CSMD1: variants seen among roughly 807,000 people sequenced by gnomAD.
The protein encoded by CSMD1 is CUB and sushi domain-containing protein 1.
In CSMD1, 213 loss-of-function variants were observed where a neutral mutation model predicts 417.5. The observed-to-expected ratio is 0.51, with a 90% CI of 0.46 to 0.57. CSMD1 has a LOEUF of 0.57. CSMD1 is among the 20% of genes least tolerant of loss of function. CSMD1 has a pLI of 0.00. For synonymous variants in CSMD1, 2,862 were observed against 1,736.8 expected (o/e 1.65, Z -16.11); for missense variants, 6,923 against 4,529.7 (o/e 1.53, Z -15.17).
At chr8:4,287,939 A>G (rs1631982) in intron 3 of CSMD1, among the ~76,000 whole-genome samples, 6,831 of 152,068 alleles carry the variant, frequency 0.045, 248 homozygotes, top group South Asian at 0.16. Flanking sequence ...TAGTTGCAAA[A>G]CTTTTCTCCA....
chr8:4,896,370 G>T (rs1804481950), intron 1 of CSMD1, among the ~76,000 whole-genome samples: 1 of 151,970 alleles, frequency 6.6e-6, no homozygotes. Flanking sequence ...AGGGAGCATT[G>T]CTTTTGCATT....
intron 5 of CSMD1, among the ~76,000 whole-genome samples, chr8:3,791,467 T>C (rs1225209098): frequency 6.6e-6 from 1 of 152,232 alleles, no homozygotes; most frequent in African/African-American, 2.4e-5. Context: ...TAGCTTGTAA[T>C]ACGTTCTTTA....
intron 1 of CSMD1, among the ~76,000 whole-genome samples, chr8:4,919,228 A>T (rs1333814683): frequency 6.6e-6 from 1 of 152,232 alleles, no homozygotes; most frequent in African/African-American, 2.4e-5. Context: ...ATTTAGTCAT[A>T]GCTACAATTC....
intron 1 of CSMD1, among the ~76,000 whole-genome samples, chr8:4,912,239 C>T (rs1805737785): frequency 6.6e-6 from 1 of 151,806 alleles, no homozygotes. Context: ...TCCAGAGCTA[C>T]CACTGAAATT....
chr8:3,971,042 C>T (rs1041342653), intron 5 of CSMD1, among the ~76,000 whole-genome samples: 7 of 152,272 alleles, frequency 4.6e-5, no homozygotes, highest in South Asian at 4.1e-4. Flanking sequence ...TGAGTCACCG[C>T]GCCCGGCCTA....
At chr8:3,224,174 A>G (rs536359772) in intron 27 of CSMD1, among the ~76,000 whole-genome samples, 30 of 152,376 alleles carry the variant, frequency 2.0e-4, no homozygotes, top group African/African-American at 6.5e-4. Flanking sequence ...TAAATGAAAG[A>G]TGACTTAATC....
intron 6 of CSMD1, among the ~76,000 whole-genome samples, chr8:3,717,430 T>TA (rs76437790): frequency 0.35 from 53,496 of 151,912 alleles, 10,050 homozygotes; most frequent in East Asian, 0.5. Context: ...GAAATGCTTT[T>TA]TTTATCATTT....
intron 39 of CSMD1, among the ~76,000 whole-genome samples, chr8:3,155,674 G>C (rs1009241058): frequency 6.6e-6 from 1 of 152,030 alleles, no homozygotes; most frequent in African/African-American, 2.4e-5. Flanking sequence ...GTCAAGGCTG[G>C]GATTTTAAAC....
chr8:4,365,051 G>C (rs1014201426), intron 3 of CSMD1, among the ~76,000 whole-genome samples: 1 of 151,968 alleles, frequency 6.6e-6, no homozygotes, highest in Non-Finnish European at 1.5e-5. Context: ...CAATTGTGAG[G>C]ACATTTTCCA....
intron 49 of CSMD1, among the ~76,000 whole-genome samples, chr8:3,064,704 A>C (rs953701609): frequency 0.011 from 1,713 of 152,314 alleles, 35 homozygotes; most frequent in African/African-American, 0.039. Context: ...CATTTTCTCA[A>C]AGTTGGCCAT....
chr8:4,762,653 C>CT (rs1812191861), intron 1 of CSMD1, among the ~76,000 whole-genome samples: 1 of 152,138 alleles, frequency 6.6e-6, no homozygotes, highest in Non-Finnish European at 1.5e-5. Flanking sequence ...TCCACCTCTG[C>CT]TGTAGCTGTG....
chr8:3,838,853 A>G (rs1585071566), intron 5 of CSMD1, among the ~76,000 whole-genome samples: 1 of 121,140 alleles, frequency 8.3e-6, no homozygotes, highest in East Asian at 2.2e-4. Context: ...ATATACTATT[A>G]TATATACTAT....
At chr8:3,541,952 G>A (rs557547275) in intron 10 of CSMD1, among the ~76,000 whole-genome samples, 1 of 152,038 alleles carries the variant, frequency 6.6e-6, no homozygotes, top group African/African-American at 2.4e-5. Flanking sequence ...GGAGGTGGAG[G>A]TTGGAGTGAG....
At chr8:4,426,009 T>C (rs1205672697) in intron 2 of CSMD1, among the ~76,000 whole-genome samples, 1 of 151,930 alleles carries the variant, frequency 6.6e-6, no homozygotes, top group Non-Finnish European at 1.5e-5. Flanking sequence ...TTAAACATTT[T>C]AAAATGTGTT....
intron 50 of CSMD1, among the ~76,000 whole-genome samples, chr8:3,041,808 G>C (rs1178633432): frequency 6.7e-6 from 1 of 149,288 alleles, no homozygotes; most frequent in East Asian, 2.0e-4. Flanking sequence ...CTTTCTGGCA[G>C]CCATCAAATG....
intron 3 of CSMD1, among the ~76,000 whole-genome samples, chr8:4,196,086 C>T (rs939090058): frequency 6.6e-5 from 10 of 152,082 alleles, no homozygotes; most frequent in African/African-American, 2.2e-4. Context: ...TGACGGGCGC[C>T]TGTAGTCCCA....
At chr8:4,222,815 T>C (rs1801121328) in intron 3 of CSMD1, among the ~76,000 whole-genome samples, 2 of 152,174 alleles carry the variant, frequency 1.3e-5, no homozygotes, top group Non-Finnish European at 2.9e-5. Context: ...CCTGAGGATT[T>C]TGCCAGACTA....
intron 1 of CSMD1, among the ~76,000 whole-genome samples, chr8:4,755,959 A>C (rs2117071177): frequency 6.6e-6 from 1 of 152,314 alleles, no homozygotes; most frequent in African/African-American, 2.4e-5. Flanking sequence ...TCATTGTATT[A>C]TTAACAAAAT....
chr8:3,796,197 T>C lies in CSMD1; in HGVS notation c.819-42155A>G, dbSNP rs1342223009. 1.1e-4 allele frequency among the ~76,000 whole-genome samples: 4 copies of C among 37,858 alleles called. 2 individuals carry two copies. Among genetic ancestry groups the C allele is most frequent in the African/African-American group, 3.9e-4 (4 of 10,168 alleles). 24.8% of individuals were successfully genotyped at this position (37,858 alleles called of 152,430 possible). On this transcript the variant is annotated intron_variant, in intron 5 of 69. Transcript: ENST00000635120. ...GATATATATCTATCATAGATATAGATATATATCTATCATAGATATAGATAT... is the reference window on the plus strand; with the variant it reads ...GATATATATCTATCATAGATATAGACATATATCTATCATAGATATAGATAT...
Sources: gnomAD v4.1 joint callset for allele counts (sites outside exome capture counted in the v4.1 genomes callset) on GRCh38, gnomAD v4.1.1 for gene constraint, MANE v1.5 for transcripts, NCBI Gene and HGNC (gene_info 2026-07-23, HGNC 2026-07-21) for gene names.